Variants in QSER1 observed in about 807,000 individuals in gnomAD.
QSER1 encodes glutamine and serine rich 1.
In QSER1, 49 loss-of-function variants were observed where a neutral mutation model predicts 158.5. That is an observed-to-expected ratio of 0.31 (90% CI 0.25 to 0.39). The LOEUF (loss-of-function observed/expected upper bound fraction) is 0.39, where lower values mean the gene tolerates loss of function less well. Among genes scored for constraint, QSER1 ranks in the 10% least tolerant of loss-of-function variants. QSER1 has a pLI of 1.00. For missense variants in QSER1, 1,754 were observed against 2,010.3 expected, an observed-to-expected ratio of 0.87 and a Z score of 2.44; for synonymous variants, 650 against 715.5, an observed-to-expected ratio of 0.91 and a Z score of 1.46.
intron 4 of QSER1, among the ~76,000 whole-genome samples, chr11:32,939,083 T>G (rs1012883092): frequency 5.3e-5 from 8 of 152,212 alleles, no homozygotes; most frequent in African/African-American, 1.9e-4. Context: ...CTAAAATGTT[T>G]CTGAATCTGT....
intron 6 of QSER1, 46 bp from the exon 7 acceptor site, chr11:32,955,942 T>C: frequency 1.9e-6 from 3 of 1,550,110 alleles, no homozygotes; most frequent in Non-Finnish European, 2.6e-6. Flanking sequence ...GTAGCATTTG[T>C]ATCTAGATTG....
intron 4 of QSER1, among the ~76,000 whole-genome samples, chr11:32,945,637 T>C (rs1169157655): frequency 6.6e-6 from 1 of 151,632 alleles, no homozygotes; most frequent in African/African-American, 2.4e-5. Context: ...CCTTTGAGGG[T>C]AACCCGACCT....
chr11:32,961,183 C>T (rs574662072), intron 8 of QSER1, among the ~76,000 whole-genome samples: 130 of 152,114 alleles, frequency 8.5e-4, no homozygotes, highest in Non-Finnish European at 1.4e-3. Context: ...TCAAGAATAT[C>T]CGTACTTAAC....
rs759281850 is a variant in QSER1 at position 32,934,539 on chromosome 11, C to G, written c.3281C>G (p.Pro1094Arg). The change falls in exon 4 of 13, where the codon CCA becomes CGA. Residue 1094 changes from proline to arginine, a missense_variant. By Grantham distance (103) the Pro-to-Arg change is moderately radical. Coordinates refer to ENST00000650167, the MANE Select transcript of QSER1 (RefSeq NM_001076786.3). ...PTKVTSAVVGPSHEVQEQSSG... is the reference protein window; with the variant it reads ...PTKVTSAVVGRSHEVQEQSSG... ...AAAGTAACTTCAGCAGTGGTTGGACCAAGTCATGAAGTCCAGGAGCAAAGT... is the reference window on the plus strand; with the variant it reads ...AAAGTAACTTCAGCAGTGGTTGGACGAAGTCATGAAGTCCAGGAGCAAAGT... 5.5e-5 allele frequency: 88 copies of G among 1,613,290 alleles called. No homozygotes were observed. Among genetic ancestry groups the G allele is most frequent in the Non-Finnish European group, 7.3e-5 (86 of 1,179,940 alleles).
intron 8 of QSER1, among the ~76,000 whole-genome samples, chr11:32,962,540 TTTTTC>T (rs1852643007): frequency 6.6e-6 from 1 of 152,210 alleles, no homozygotes; most frequent in Admixed American, 6.5e-5. Flanking sequence ...ATTTACTTAT[TTTTTC>T]TTTTGTTACT....
At chr11:32,972,024 C>T (rs1402119406) in intron 10 of QSER1, among the ~76,000 whole-genome samples, 2 of 149,984 alleles carry the variant, frequency 1.3e-5, no homozygotes, top group African/African-American at 4.9e-5. Flanking sequence ...GATCACGCCA[C>T]TGCACTCTAG....
chr11:32,976,465 A>G lies in QSER1; in HGVS notation c.5586A>G (p.Lys1862=). Residue 1862 remains lysine (K), a synonymous_variant, in exon 13 of 13, where the codon AAA becomes AAG. Transcript: ENST00000650167. ...FGELLNHVQQ[K]CS Reference sequence around the variant, plus strand: ...AACTTCTAAATCATGTACAGCAGAAATGTTCCTGACTTTTCCACAAAAATC... The same window carrying G: ...AACTTCTAAATCATGTACAGCAGAAGTGTTCCTGACTTTTCCACAAAAATC... 6.2e-7 allele frequency: 1 copy of G among 1,608,696 alleles called. No homozygotes were observed. The highest frequency in any genetic ancestry group is 1.1e-5 in the South Asian group (1 of 89,728).
At position 32,976,376 on chromosome 11, in the gene QSER1, GA is replaced by G. The variant is rs1233319503; in HGVS notation, c.5500del (p.Ile1834LeufsTer6). On this transcript the variant is annotated frameshift_variant, in exon 13 of 13. Transcript: ENST00000650167. LOFTEE classifies it high-confidence loss of function. ...AAAAAATGAAGATTTAGGACAGGAGGAAATTGTTCAACTTTGTATGAAAAAT... is the reference window on the plus strand; with the variant it reads ...AAAAAATGAAGATTTAGGACAGGAGGAATTGTTCAACTTTGTATGAAAAAT... ...QKKNEDLGQE[E>X]IVQLCMKNVK... 6.2e-7 allele frequency: 1 copy of G among 1,604,448 alleles called. No individual in the cohort carries two copies. Among genetic ancestry groups the G allele is most frequent in the East Asian group, 2.2e-5 (1 of 44,542 alleles).
At chr11:32,974,913 T>C (rs1029432314) in intron 11 of QSER1, among the ~76,000 whole-genome samples, 6 of 152,198 alleles carry the variant, frequency 3.9e-5, no homozygotes, top group Admixed American at 1.3e-4. Flanking sequence ...TTAAAAAATA[T>C]ATAACATGCC....
At chr11:32,948,387 A>G (rs1852370025) in intron 4 of QSER1, among the ~76,000 whole-genome samples, 1 of 152,212 alleles carries the variant, frequency 6.6e-6, no homozygotes, top group African/African-American at 2.4e-5. Context: ...TACTTAATAT[A>G]ATTTTACCAT....
chr11:32,935,223 C>T lies in QSER1; in HGVS notation c.3965C>T (p.Pro1322Leu). 2 of 1,613,994 alleles carry T rather than the reference C, an allele frequency of 1.2e-6. No individual in the cohort carries two copies. Among genetic ancestry groups the T allele is most frequent in the Non-Finnish European group, 1.7e-6 (2 of 1,179,908 alleles). The change falls in exon 4 of 13, where the codon CCC (proline) becomes CTC (leucine). Residue 1322 changes from proline (P) to leucine (L), a missense_variant. This residue lies in a region of QSER1 where 1,707 missense variants were observed against 1,919.6 expected (regional missense o/e 0.89). Transcript: ENST00000650167. ...CGTACATTTTGTCCCCCACCACTTC[C>T]CAAGCCTTCATCTACAACACCCACA... Reference protein sequence around the residue: ...MVRTFCPPPLPKPSSTTPTPL... With the variant: ...MVRTFCPPPLLKPSSTTPTPL...
chr11:32,942,586 A>G (rs1387386759), intron 4 of QSER1, among the ~76,000 whole-genome samples: 2 of 151,926 alleles, frequency 1.3e-5, no homozygotes, highest in South Asian at 2.1e-4. Context: ...TGTTCCATTG[A>G]TCTATATCTC....
intron 11 of QSER1, among the ~76,000 whole-genome samples, chr11:32,974,232 G>A (rs1482239790): frequency 2.0e-5 from 3 of 152,038 alleles, no homozygotes; most frequent in Non-Finnish European, 2.9e-5. Context: ...ACCAGTCTTG[G>A]CAACAAAGCA....
intron 1 of QSER1, among the ~76,000 whole-genome samples, chr11:32,913,229 C>T (rs1416108511): frequency 3.7e-5 from 4 of 108,022 alleles, no homozygotes; most frequent in Non-Finnish European, 6.9e-5. Flanking sequence ...CTTGCTTTGT[C>T]GCCCAGGCTG....
intron 12 of QSER1, 86 bp downstream of exon 12, chr11:32,975,429 G>A: frequency 3.8e-6 from 6 of 1,571,246 alleles, no homozygotes; most frequent in Non-Finnish European, 5.2e-6. Flanking sequence ...GTTTTAAAGA[G>A]AGTTGTGAAA....
At position 32,956,144 on chromosome 11, in the gene QSER1, T is replaced by C. The variant is rs374960400; in HGVS notation, c.4751+23T>C. On this transcript the variant is annotated intron_variant, in intron 7 of 12. Transcript: ENST00000650167. ...CAGGTATTTGTTTTCTTAGGTGATA[T>C]ATTTGTGCATATATATAGGTGTATT... 2.0e-5 allele frequency: 32 copies of C among 1,577,676 alleles called. No homozygotes were observed. The African/African-American group carries it at 3.9e-4, about 19-fold the overall frequency.
intron 4 of QSER1, among the ~76,000 whole-genome samples, chr11:32,953,085 G>A (rs1852451265): frequency 1.3e-5 from 2 of 152,034 alleles, no homozygotes; most frequent in African/African-American, 4.8e-5. Flanking sequence ...ACAGGTGTGA[G>A]CCACCGTGCA....
At chr11:32,960,393 C>A (rs978280382) in intron 8 of QSER1, among the ~76,000 whole-genome samples, 1 of 151,770 alleles carries the variant, frequency 6.6e-6, no homozygotes, top group African/African-American at 2.4e-5. Context: ...CCTGTCTCTA[C>A]TAAAAATACA....
At chr11:32,930,987 A>G (rs1852037362) in intron 3 of QSER1, among the ~76,000 whole-genome samples, 1 of 152,208 alleles carries the variant, frequency 6.6e-6, no homozygotes, top group African/African-American at 2.4e-5. Context: ...TTGAAATGCA[A>G]GAGATTTTTA....
Sources: gnomAD v4.1 joint callset for allele counts (sites outside exome capture counted in the v4.1 genomes callset) on GRCh38, gnomAD v4.1.1 for gene constraint, gnomAD v4.1.1 regional missense constraint, MANE v1.5 for transcripts, NCBI Gene and HGNC (gene_info 2026-07-23, HGNC 2026-07-21) for gene names.